Variants in DKK4 observed in about 807,000 individuals in gnomAD.
DKK4 encodes the protein dickkopf-related protein 4.
Under a neutral mutation model 14.5 loss-of-function variants are expected in DKK4, and 15 were observed. That is an observed-to-expected ratio of 1.03 (90% CI 0.69 to 1.59). The LOEUF is 1.59. DKK4 is among the 40% of genes most tolerant of loss of function. DKK4 has a pLI of 0.00. For missense variants in DKK4, 272 were observed against 280.3 expected (o/e 0.97, Z 0.21); for synonymous variants, 89 against 105.2 (o/e 0.85, Z 0.94).
chr8:42,388,705 G>A, the DKK4 span, among the ~76,000 whole-genome samples: 1 of 151,130 alleles, frequency 6.6e-6, no homozygotes, highest in Non-Finnish European at 1.5e-5. Flanking sequence ...CGAGTAGCTG[G>A]GACTACAGGC....
rs767935599 is a variant in DKK4, at chr8:42,377,054, C to T, written c.-9G>A. 14 of 1,610,796 alleles carry T rather than the reference C, an allele frequency of 8.7e-6. No individual in the cohort carries two copies. Among genetic ancestry groups the T allele is most frequent in the Middle Eastern group, 1.6e-4 (1 of 6,070 alleles). On this transcript the variant is annotated 5_prime_UTR_variant, in exon 1 of 4. Transcript: ENST00000220812. ...AGGACGGCCGCCACCATCCTTCAAT[C>T]CCGGGGCTCCTGGAGGGTCCCAGCA...
chr8:42,377,127 C>T lies in DKK4; in HGVS notation c.-82G>A. On this transcript the variant is annotated 5_prime_UTR_variant, in exon 1 of 4. Transcript: ENST00000220812. ...TGCTCTCCACCCAGAGCAGAGCTTC[C>T]ACTAAGCTGGCAGCTCAGCACGTCG... 8.7e-7 allele frequency: 1 copy of T among 1,149,694 alleles called. No individual in the cohort carries two copies. Among genetic ancestry groups the T allele is most frequent in the Non-Finnish European group, 1.3e-6 (1 of 797,964 alleles). 71.2% of individuals were successfully genotyped at this position (1,149,694 alleles called of 1,614,324 possible).
chr8:42,384,101 G>T, the DKK4 span, among the ~76,000 whole-genome samples: 1 of 152,136 alleles, frequency 6.6e-6, no homozygotes, highest in Non-Finnish European at 1.5e-5. Context: ...AAACATGGTG[G>T]GGGGAGGTCT....
chr8:42,374,156 T>A lies in DKK4; in HGVS notation c.619A>T (p.Thr207Ser), dbSNP rs556681433. Residue 207 changes from threonine (T) to serine (S), a missense_variant, in exon 4 of 4, where the codon ACC becomes TCC. Coordinates refer to ENST00000220812, the MANE Select transcript of DKK4 (RefSeq NM_014420.3). ...GPGLLCRSQLTSNRQHARLRV... is the reference protein window; with the variant it reads ...GPGLLCRSQLSSNRQHARLRV... ...AATCGAGCATGCTGCCGATTGCTGG[T>A]CAATTGGCTTCGACACAGTAGTCCA... The A allele has an allele frequency of 6.2e-7, 1 of 1,613,330 alleles. No homozygotes were observed. The highest frequency in any genetic ancestry group is 1.1e-5 in the South Asian group (1 of 90,968).
the DKK4 span, among the ~76,000 whole-genome samples, chr8:42,382,976 G>A: frequency 4.3e-4 from 65 of 152,122 alleles, no homozygotes; most frequent in Admixed American, 3.1e-3. Flanking sequence ...ATACTCACTC[G>A]GGAATGGAAA....
the DKK4 span, among the ~76,000 whole-genome samples, chr8:42,387,111 G>A: frequency 6.6e-6 from 1 of 152,162 alleles, no homozygotes; most frequent in Admixed American, 6.6e-5. Flanking sequence ...CCCTGGACAC[G>A]AAAGACGCTT....
chr8:42,385,583 C>T, the DKK4 span, among the ~76,000 whole-genome samples: 1 of 151,930 alleles, frequency 6.6e-6, no homozygotes, highest in South Asian at 2.1e-4. Flanking sequence ...ACCGCCACTG[C>T]CCCCACAGGT....
chr8:42,381,827 A>G (rs925360427), upstream of DKK4, among the ~76,000 whole-genome samples: 2 of 152,102 alleles, frequency 1.3e-5, no homozygotes, highest in South Asian at 4.1e-4. Flanking sequence ...GTGAAACTCC[A>G]TCTCTACTAA....
the DKK4 span, among the ~76,000 whole-genome samples, chr8:42,383,955 AC>A: frequency 6.6e-6 from 1 of 152,056 alleles, no homozygotes; most frequent in Non-Finnish European, 1.5e-5. Flanking sequence ...AAAAGAAAAA[AC>A]AATCAAGTTG....
upstream of DKK4, chr8:42,377,281 G>A (rs945933734): frequency 5.6e-5 from 28 of 500,888 alleles, no homozygotes; most frequent in Admixed American, 1.0e-4. Context: ...CCTCCTCCCC[G>A]CTCCGTTCCT....
chr8:42,374,445 T>C (rs1381861197), intron 3 of DKK4, 86 bp from the exon 4 acceptor site: 1 of 1,535,052 alleles, frequency 6.5e-7, no homozygotes, highest in Non-Finnish European at 8.9e-7. Context: ...GAATGGGACC[T>C]ATGACTGACA....
upstream of DKK4, among the ~76,000 whole-genome samples, chr8:42,378,589 A>T (rs1158480484): frequency 6.6e-6 from 1 of 152,100 alleles, no homozygotes; most frequent in Admixed American, 6.5e-5. Flanking sequence ...TTGTACAATT[A>T]TGACCAAGGA....
At chr8:42,389,064 C>A in the DKK4 span, among the ~76,000 whole-genome samples, 2 of 152,282 alleles carry the variant, frequency 1.3e-5, no homozygotes, top group South Asian at 4.1e-4. Context: ...CCACCTCAGC[C>A]TCTCAAGTAG....
intron 2 of DKK4, 58 bp from the exon 3 acceptor site, chr8:42,374,971 A>G (rs2073665): frequency 0.11 from 175,225 of 1,569,946 alleles, 21,474 homozygotes; most frequent in African/African-American, 0.61. Context: ...AACCACAGAC[A>G]CACTAATTAT....
At chr8:42,382,264 T>C in the DKK4 span, among the ~76,000 whole-genome samples, 2 of 152,258 alleles carry the variant, frequency 1.3e-5, no homozygotes, top group African/African-American at 4.8e-5. Context: ...ACATTTGGTA[T>C]ATTTTCAGAT....
chr8:42,377,099 G>A lies in DKK4; in HGVS notation c.-54C>T. On this transcript the variant is annotated 5_prime_UTR_variant, in exon 1 of 4. Transcript: ENST00000220812. Reference sequence around the variant, plus strand: ...CCAGCACTGTGCGTCACCAAAGCGAGGCTGCTCTCCACCCAGAGCAGAGCT... The same window carrying A: ...CCAGCACTGTGCGTCACCAAAGCGAAGCTGCTCTCCACCCAGAGCAGAGCT... 1 of 1,480,814 alleles carries A rather than the reference G, an allele frequency of 6.8e-7. No individual in the cohort carries two copies. The highest frequency in any genetic ancestry group is 1.4e-5 in the African/African-American group (1 of 72,410). The allele number at this position is 1,480,814 out of a possible 1,614,324, so 91.7% of individuals were successfully genotyped here. A position where few individuals can be genotyped will look rare whatever the true frequency, so the allele number is the denominator to read the frequency against.
rs1470352912 is a variant in DKK4, at chr8:42,375,730, C to T, written c.212G>A (p.Arg71Lys). Reference sequence around the variant, plus strand: ...GCACATGGCATCTCGCTGGCACCTCCTCCGCAACCCACGACATGTAGCACA... The same window carrying T: ...GCACATGGCATCTCGCTGGCACCTCTTCCGCAACCCACGACATGTAGCACA... ...PFCATCRGLR[R>K]RCQRDAMCCP... The change falls in exon 2 of 4, where the codon AGG (arginine) becomes AAG (lysine). Residue 71 changes from arginine (R) to lysine (K), a missense_variant. Physicochemically the swap from Arg to Lys is conservative, Grantham distance 26. Transcript: ENST00000220812. 1.2e-6 allele frequency: 2 copies of T among 1,614,034 alleles called. No individual in the cohort carries two copies. Among genetic ancestry groups the T allele is most frequent in the South Asian group, 1.1e-5 (1 of 91,072 alleles).
chr8:42,381,514 T>C (rs1824679020), upstream of DKK4, among the ~76,000 whole-genome samples: 2 of 152,130 alleles, frequency 1.3e-5, 1 homozygote, highest in Admixed American at 1.3e-4. Context: ...AGCGACCCTG[T>C]GCCTGTCTGT....
At chr8:42,379,418 GAGAGAGAGAA>G (rs1432450800), upstream of DKK4, among the ~76,000 whole-genome samples, 72 of 125,350 alleles carry the variant, frequency 5.7e-4, 1 homozygote, top group Non-Finnish European at 8.2e-4. Context: ...GAGAGAGAGA[GAGAGAGAGAA>G]AGATTCAGAC....
Sources: gnomAD v4.1 joint callset for allele counts (sites outside exome capture counted in the v4.1 genomes callset) on GRCh38, gnomAD v4.1.1 for gene constraint, MANE v1.5 for transcripts, NCBI Gene and HGNC (gene_info 2026-07-23, HGNC 2026-07-21) for gene names.